The following TOM1L2 variants were observed in gnomAD, a reference collection of about 807,000 sequenced individuals.
TOM1L2 encodes the protein target of myb1 like 2 membrane trafficking protein.
TOM1L2 carries 31 observed loss-of-function variants against 67.9 expected under a neutral mutation model. The observed-to-expected ratio is 0.46, with a 90% CI of 0.34 to 0.62. The LOEUF (loss-of-function observed/expected upper bound fraction) is 0.62, where lower values mean the gene tolerates loss of function less well. TOM1L2 is among the 20% of genes least tolerant of loss of function. The probability of loss-of-function intolerance (pLI) is 0.01; values close to 1 mark genes in which losing one functional copy is unlikely to be tolerated. For missense variants in TOM1L2, 606 were observed against 663.5 expected, an observed-to-expected ratio of 0.91 and a Z score of 0.95; for synonymous variants, 256 against 254.0, an observed-to-expected ratio of 1.01 and a Z score of -0.07.
intron 1 of TOM1L2, among the ~76,000 whole-genome samples, chr17:17,962,059 A>C (rs1386732047): frequency 6.6e-6 from 1 of 152,224 alleles, no homozygotes; most frequent in Non-Finnish European, 1.5e-5. Flanking sequence ...GGAAACTTTG[A>C]CATGCTCCAA....
At chr17:17,928,489 T>C (rs1236314709) in intron 1 of TOM1L2, among the ~76,000 whole-genome samples, 2 of 152,232 alleles carry the variant, frequency 1.3e-5, no homozygotes, top group East Asian at 1.9e-4. Flanking sequence ...GCTCACATAA[T>C]GGAAAGGGTC....
intron 2 of TOM1L2, among the ~76,000 whole-genome samples, chr17:17,899,079 G>A (rs1470597321): frequency 1.3e-5 from 2 of 152,232 alleles, no homozygotes; most frequent in African/African-American, 4.8e-5. Context: ...CTGCCCCTAA[G>A]GAAGGGAACC....
chr17:17,867,230 G>T (rs1027634361), intron 8 of TOM1L2, among the ~76,000 whole-genome samples: 1 of 143,454 alleles, frequency 7.0e-6, no homozygotes, highest in Non-Finnish European at 1.5e-5. Flanking sequence ...GAGGGAGGGT[G>T]GCTTAACCAC....
At chr17:17,873,535 G>A (rs926439338) in intron 7 of TOM1L2, among the ~76,000 whole-genome samples, 2 of 152,186 alleles carry the variant, frequency 1.3e-5, no homozygotes, top group Non-Finnish European at 2.9e-5. Flanking sequence ...GGATTTAGAG[G>A]AGAACCAAAC....
At chr17:17,929,426 G>A (rs2040235664) in intron 1 of TOM1L2, among the ~76,000 whole-genome samples, 1 of 152,170 alleles carries the variant, frequency 6.6e-6, no homozygotes, top group South Asian at 2.1e-4. Context: ...GAGATCGGGA[G>A]TTCCAGACCA....
chr17:17,898,480 A>G (rs1002985033), intron 3 of TOM1L2, 116 bp downstream of exon 3: 2 of 1,065,574 alleles, frequency 1.9e-6, no homozygotes, highest in Non-Finnish European at 2.9e-6. Flanking sequence ...TGGCCCAGGC[A>G]CCAAGCCATT....
intron 12 of TOM1L2, chr17:17,857,711 G>A (rs2036319946): frequency 7.0e-7 from 1 of 1,434,016 alleles, no homozygotes; most frequent in Non-Finnish European, 9.5e-7. Flanking sequence ...GACATGAGCT[G>A]TTACACAGGT....
chr17:17,878,981 C>T (rs1044077887), intron 7 of TOM1L2, among the ~76,000 whole-genome samples: 8 of 152,198 alleles, frequency 5.3e-5, no homozygotes, highest in Admixed American at 5.2e-4. Flanking sequence ...TGCAGGCCGC[C>T]CACTCCTGGA....
chr17:17,921,041 C>G (rs1406824965), intron 1 of TOM1L2, among the ~76,000 whole-genome samples: 1 of 152,274 alleles, frequency 6.6e-6, no homozygotes, highest in South Asian at 2.1e-4. Flanking sequence ...TCCAGTTTTT[C>G]CAATAATGCC....
At chr17:17,865,583 T>G (rs1382968278) in intron 10 of TOM1L2, among the ~76,000 whole-genome samples, 2 of 152,034 alleles carry the variant, frequency 1.3e-5, no homozygotes, top group Non-Finnish European at 2.9e-5. Flanking sequence ...TTCACCATTT[T>G]GGCCAGGCTG....
In TOM1L2 at chr17:17,866,892, T is replaced by C; in HGVS notation, c.944A>G (p.Gln315Arg). 1 of 1,614,098 alleles carries C rather than the reference T, an allele frequency of 6.2e-7. No homozygotes were observed. Among genetic ancestry groups the C allele is most frequent in the Non-Finnish European group, 8.5e-7 (1 of 1,179,972 alleles). ...FERYRSGRSV[Q>R]NASNGVLNEV... ...AATACTTACTCCATTACTGGCATTT[T>C]GAACGGATCGGCCAGACCTGTATCG... The change falls in exon 9 of 15, where the codon CAA becomes CGA. Residue 315 changes from glutamine to arginine, a missense_variant. Coordinates refer to ENST00000379504, the MANE Select transcript of TOM1L2 (RefSeq NM_001082968.2).
chr17:17,873,769 A>G (rs182539922), intron 7 of TOM1L2, among the ~76,000 whole-genome samples: 1 of 152,258 alleles, frequency 6.6e-6, no homozygotes, highest in East Asian at 1.9e-4. Context: ...CCTGGGTAAA[A>G]TAAGGGGGCT....
rs2035668995 is a variant in TOM1L2 at position 17,846,847 on chromosome 17, GT to G, written c.*787del. On this transcript the variant is annotated 3_prime_UTR_variant, in exon 15 of 15. Coordinates refer to ENST00000379504, the MANE Select transcript of TOM1L2 (RefSeq NM_001082968.2). ...GTGTGCGGGTGTGAGCCTGCAGTGT[GT>G]GCGTGGCAGTTTGGTTTATTGGTAG... The G allele has an allele frequency of 6.6e-6, 1 of 152,550 alleles. No homozygotes were observed. The highest frequency in any genetic ancestry group is 1.5e-5 in the Non-Finnish European group (1 of 68,262). 9.4% of individuals were successfully genotyped at this position (152,550 alleles called of 1,614,324 possible). A position where few individuals can be genotyped will look rare whatever the true frequency, so the allele number is the denominator to read the frequency against.
chr17:17,885,337 G>T (rs905424889), intron 4 of TOM1L2, among the ~76,000 whole-genome samples: 1 of 152,242 alleles, frequency 6.6e-6, no homozygotes, highest in Non-Finnish European at 1.5e-5. Flanking sequence ...GCCTAGCTCT[G>T]TCTAGCGCTG....
chr17:17,850,880 A>T lies in TOM1L2; in HGVS notation c.1338+13T>A, dbSNP rs1446277000. 2.5e-6 allele frequency: 4 copies of T among 1,613,904 alleles called. No individual in the cohort carries two copies. The highest frequency in any genetic ancestry group is 3.3e-4 in the Middle Eastern group (2 of 6,062). On this transcript the variant is annotated intron_variant, in intron 13 of 14. Coordinates refer to ENST00000379504, the MANE Select transcript of TOM1L2 (RefSeq NM_001082968.2). ...CCACACCCCACAGATGAAATAGAAA[A>T]GTCGAGTCTCACCAGGTCGGTCCTG...
intron 8 of TOM1L2, among the ~76,000 whole-genome samples, chr17:17,867,770 G>A (rs1049318117): frequency 6.6e-6 from 1 of 152,220 alleles, no homozygotes; most frequent in African/African-American, 2.4e-5. Context: ...TGACAAGAAA[G>A]AGATCCCCAG....
chr17:17,848,799 G>C (rs2035797612), intron 14 of TOM1L2, 24 bp downstream of exon 14: 1 of 1,613,742 alleles, frequency 6.2e-7, no homozygotes, highest in Non-Finnish European at 8.5e-7. Flanking sequence ...AAAGGGGGCT[G>C]TAAGGCCACT....
In TOM1L2 at chr17:17,869,334, T is replaced by A; in HGVS notation, c.911+6A>T. ...AAAAAAAAAAAAAAAGAAATCCGGC[T>A]CCCACCTCTCGTATCGAAGGAAGAC... On this transcript the variant is annotated splice_donor_region_variant and intron_variant, in intron 8 of 14. Transcript: ENST00000379504. 6.3e-7 allele frequency: 1 copy of A among 1,579,760 alleles called. No individual in the cohort carries two copies. Among genetic ancestry groups the A allele is most frequent in the Non-Finnish European group, 8.6e-7 (1 of 1,167,380 alleles).
intron 4 of TOM1L2, among the ~76,000 whole-genome samples, chr17:17,893,234 A>G (rs564686510): frequency 3.9e-5 from 6 of 152,266 alleles, no homozygotes; most frequent in Non-Finnish European, 5.9e-5. Flanking sequence ...TCAGGGTCCA[A>G]TGGAAATGTC....
Sources: gnomAD v4.1 joint callset for allele counts (sites outside exome capture counted in the v4.1 genomes callset) on GRCh38, gnomAD v4.1.1 for gene constraint, MANE v1.5 for transcripts, NCBI Gene and HGNC (gene_info 2026-07-23, HGNC 2026-07-21) for gene names.